CRISPLD1: variants seen among roughly 807,000 people sequenced by gnomAD.
The protein encoded by CRISPLD1 is cysteine rich secretory protein LCCL domain containing 1, also known as cysteine-rich secretory protein LCCL domain-containing 1.
CRISPLD1 carries 60 observed loss-of-function variants against 77.5 expected under a neutral mutation model. The ratio of observed to expected loss-of-function variants is 0.77; its 90% CI spans 0.63 to 0.96. The LOEUF (loss-of-function observed/expected upper bound fraction) is 0.96, where lower values mean the gene tolerates loss of function less well. Among genes scored for constraint, CRISPLD1 ranks in the 40% least tolerant of loss-of-function variants. The probability of loss-of-function intolerance (pLI) is 0.00; values close to 1 mark genes in which losing one functional copy is unlikely to be tolerated. For synonymous variants in CRISPLD1, 195 were observed against 200.1 expected (o/e 0.97, Z 0.22); for missense variants, 623 against 615.8 (o/e 1.01, Z -0.12).
In CRISPLD1 at chr8:74,986,231, A is replaced by C. The variant is rs944868313; in HGVS notation, c.244A>C (p.Asn82His). 1.2e-6 allele frequency: 2 copies of C among 1,613,964 alleles called. No individual in the cohort carries two copies. The highest frequency in any genetic ancestry group is 3.3e-5 in the Admixed American group (2 of 60,006). Residue 82 changes from asparagine (N) to histidine (H), a missense_variant, in exon 2 of 15, where the codon AAT becomes CAT. Transcript: ENST00000262207. ...AAGTCAGGTGTATCCAACAGCCTCT[A>C]ATATGGAGTATATGGTAAGGACATT... ...LRSQVYPTAS[N>H]MEYMTWDVEL...
At chr8:75,022,205 ATAT>A (rs1469625171) in intron 12 of CRISPLD1, among the ~76,000 whole-genome samples, 1 of 152,188 alleles carries the variant, frequency 6.6e-6, no homozygotes, top group Non-Finnish European at 1.5e-5. Context: ...TTTATGCATA[ATAT>A]TGACCTTAAG....
At position 75,016,569 on chromosome 8, in the gene CRISPLD1, G is replaced by A; in HGVS notation, c.732G>A (p.Gly244=). Residue 244 remains glycine (G), a synonymous_variant, in exon 7 of 15, where the codon GGG becomes GGA. Coordinates refer to ENST00000262207, the MANE Select transcript of CRISPLD1 (RefSeq NM_031461.6). ...GCRENLCYKE[G]SDRYYPPREE... ...TAAATCTGCTTTCTCTAACAGAAGG[G>A]TCAGACAGGTATTATCCCCCTCGAG... The A allele has an allele frequency of 1.2e-6, 2 of 1,610,480 alleles. No individual in the cohort carries two copies. Among genetic ancestry groups the A allele is most frequent in the South Asian group, 1.1e-5 (1 of 90,582 alleles).
intron 2 of CRISPLD1, among the ~76,000 whole-genome samples, chr8:74,989,158 G>A (rs369257419): frequency 6.6e-6 from 1 of 152,200 alleles, no homozygotes; most frequent in East Asian, 1.9e-4. Context: ...TGGCAGGCTG[G>A]TTGTGGGGAA....
chr8:74,986,947 T>C lies in CRISPLD1; in HGVS notation c.258+702T>C, dbSNP rs533088369. Among the ~76,000 whole-genome samples the C allele has an allele frequency of 2.9e-3, 437 of 152,318 alleles. 1 individual carries two copies. Among genetic ancestry groups the C allele is most frequent in the African/African-American group, 9.9e-3 (412 of 41,576 alleles). ...AACTCATGAGTATACTGCCATTTCA[T>C]ACCCTAAACATTTAGAAAACTTTTC... is the stretch of plus-strand genomic sequence containing the variant. On this transcript the variant is annotated intron_variant, in intron 2 of 14. Coordinates refer to ENST00000262207, the MANE Select transcript of CRISPLD1 (RefSeq NM_031461.6).
intron 2 of CRISPLD1, among the ~76,000 whole-genome samples, chr8:74,995,367 T>C (rs1812630774): frequency 6.6e-6 from 1 of 152,220 alleles, no homozygotes; most frequent in Admixed American, 6.5e-5. Flanking sequence ...AATCTGATAA[T>C]ACAGTCTGGG....
At chr8:75,012,766 A>AT in intron 3 of CRISPLD1, 124 bp from the exon 4 acceptor site, 1 of 1,110,230 alleles carries the variant, frequency 9.0e-7, no homozygotes, top group Non-Finnish European at 1.3e-6. Context: ...GGGCATAAAA[A>AT]TTTAAGTTTA....
At chr8:75,014,232 A>T in intron 5 of CRISPLD1, 130 bp downstream of exon 5, 1 of 641,078 alleles carries the variant, frequency 1.6e-6, no homozygotes, top group South Asian at 1.8e-5. Context: ...TGTTTATTTA[A>T]TATGGCAACA....
chr8:74,990,030 A>G (rs891391119), intron 2 of CRISPLD1, among the ~76,000 whole-genome samples: 3 of 152,238 alleles, frequency 2.0e-5, no homozygotes, highest in African/African-American at 7.2e-5. Flanking sequence ...GTTCTCACTT[A>G]CATGTGGGAG....
chr8:75,014,771 C>T, intron 5 of CRISPLD1, 41 bp from the exon 6 acceptor site: 1 of 1,271,398 alleles, frequency 7.9e-7, no homozygotes, highest in Admixed American at 1.9e-5. Context: ...ATAAATTATG[C>T]CATTAGACTA....
At chr8:75,024,326 G>GTTGTTGTT (rs1434394619) in intron 12 of CRISPLD1, among the ~76,000 whole-genome samples, 1 of 151,572 alleles carries the variant, frequency 6.6e-6, no homozygotes, top group Non-Finnish European at 1.5e-5. Context: ...ATTTGTTGTT[G>GTTGTTGTT]TTGTTTTGTT....
At chr8:74,993,032 G>C (rs890970016) in intron 2 of CRISPLD1, among the ~76,000 whole-genome samples, 5 of 150,168 alleles carry the variant, frequency 3.3e-5, no homozygotes, top group Non-Finnish European at 7.4e-5. Flanking sequence ...GTGATCTTTA[G>C]CTTGTGAATT....
At chr8:75,002,513 T>C (rs1257139381) in intron 2 of CRISPLD1, among the ~76,000 whole-genome samples, 1 of 150,562 alleles carries the variant, frequency 6.6e-6, no homozygotes, top group Non-Finnish European at 1.5e-5. Flanking sequence ...ATAATAATGA[T>C]GAAGGGCCTA....
At position 74,985,559 on chromosome 8, in the gene CRISPLD1, G is replaced by T. The variant is rs1201540783; in HGVS notation, c.-62-367G>T. Among the ~76,000 whole-genome samples the T allele has an allele frequency of 2.0e-5, 3 of 152,118 alleles. No individual in the cohort carries two copies. The East Asian group carries it at 5.8e-4, about 29-fold the overall frequency. On this transcript the variant is annotated intron_variant, in intron 1 of 14. Coordinates refer to ENST00000262207, the MANE Select transcript of CRISPLD1 (RefSeq NM_031461.6). ...ATGAACCTCTAGATTGAAATCAAAC[G>T]TTCTAGGTAGATATAACATCCTTTG... is the stretch of plus-strand genomic sequence containing the variant.
intron 2 of CRISPLD1, among the ~76,000 whole-genome samples, chr8:74,996,780 G>A (rs11994277): frequency 2.9e-5 from 4 of 136,352 alleles, no homozygotes; most frequent in African/African-American, 8.6e-5. Flanking sequence ...GTGCAGTGGC[G>A]CAATGATGGC....
chr8:75,033,846 A>G lies in CRISPLD1; in HGVS notation c.*1604A>G, dbSNP rs1204064496. 1 of 152,072 alleles carries G rather than the reference A, an allele frequency of 6.6e-6. No individual in the cohort carries two copies. Among genetic ancestry groups the G allele is most frequent in the East Asian group, 1.9e-4 (1 of 5,204 alleles). 9.4% of individuals were successfully genotyped at this position (152,072 alleles called of 1,614,324 possible). ...TAAAACAATGATGTATACGTTAAAG[A>G]TTGCAAAACTTAAAAGCAGATTTTT... On this transcript the variant is annotated 3_prime_UTR_variant, in exon 15 of 15. Transcript: ENST00000262207.
chr8:74,992,915 T>TG (rs1812594986), intron 2 of CRISPLD1, among the ~76,000 whole-genome samples: 1 of 150,956 alleles, frequency 6.6e-6, no homozygotes, highest in Admixed American at 6.6e-5. Flanking sequence ...GTTTTTTTTT[T>TG]TTTTTTTTTT....
intron 7 of CRISPLD1, 87 bp downstream of exon 7, chr8:75,016,792 A>G (rs1813037239): frequency 1.3e-6 from 2 of 1,550,642 alleles, no homozygotes; most frequent in Admixed American, 2.0e-5. Context: ...CATTTTTAGA[A>G]TGGAAAAAAT....
chr8:75,022,898 G>A (rs948148595), intron 12 of CRISPLD1, among the ~76,000 whole-genome samples: 3 of 151,874 alleles, frequency 2.0e-5, no homozygotes, highest in Admixed American at 6.6e-5. Flanking sequence ...TAACCATTTG[G>A]TGGCTATGTA....
intron 12 of CRISPLD1, among the ~76,000 whole-genome samples, chr8:75,024,753 G>A (rs563201194): frequency 6.6e-6 from 1 of 152,278 alleles, no homozygotes; most frequent in Admixed American, 6.5e-5. Flanking sequence ...AGAGCCCAGA[G>A]TTACCATGAT....
Sources: gnomAD v4.1 joint callset for allele counts (sites outside exome capture counted in the v4.1 genomes callset) on GRCh38, gnomAD v4.1.1 for gene constraint, MANE v1.5 for transcripts, NCBI Gene and HGNC (gene_info 2026-07-23, HGNC 2026-07-21) for gene names.